Variants in CNOT1 observed in about 807,000 individuals in gnomAD.
The protein encoded by CNOT1 is CCR4-associated factor 1.
Under a neutral mutation model 273.8 loss-of-function variants are expected in CNOT1, and 15 were observed. The observed-to-expected ratio is 0.05, with a 90% CI of 0.04 to 0.08. The LOEUF is 0.08. CNOT1 is among the 10% of genes least tolerant of loss of function. CNOT1 has a pLI of 1.00. For synonymous variants in CNOT1, 1,022 were observed against 1,005.5 expected (o/e 1.02, Z -0.31); for missense variants, 1,644 against 2,912.2 (o/e 0.56, Z 10.02).
chr16:58,528,040 G>T (rs193043590), intron 44 of CNOT1: 5 of 407,734 alleles, frequency 1.2e-5, no homozygotes, highest in Non-Finnish European at 2.4e-5. Context: ...TTGAACCAGC[G>T]AAGGGGAGGT....
intron 16 of CNOT1, among the ~76,000 whole-genome samples, chr16:58,561,842 T>G (rs555647156): frequency 9.9e-5 from 15 of 152,198 alleles, no homozygotes; most frequent in Non-Finnish European, 2.1e-4. Context: ...ATACTCAATC[T>G]GTATTGCCTC....
intron 16 of CNOT1, among the ~76,000 whole-genome samples, chr16:58,562,983 C>T (rs2040913710): frequency 1.3e-5 from 2 of 152,122 alleles, no homozygotes; most frequent in South Asian, 4.1e-4. Flanking sequence ...AGGGTGCTAA[C>T]AGTACTGAAT....
chr16:58,580,894 C>T, intron 11 of CNOT1, 134 bp from the exon 12 acceptor site: 1 of 914,978 alleles, frequency 1.1e-6, no homozygotes, highest in East Asian at 2.8e-5. Context: ...TAATTATTTG[C>T]CCTTTGAAAA....
At chr16:58,594,758 T>C (rs1249145601) in intron 2 of CNOT1, among the ~76,000 whole-genome samples, 2 of 149,744 alleles carry the variant, frequency 1.3e-5, no homozygotes, top group South Asian at 2.1e-4. Flanking sequence ...GCTGAGATTA[T>C]GCCACTGCAC....
chr16:58,554,205 T>C (rs543555606), intron 21 of CNOT1, among the ~76,000 whole-genome samples: 1 of 147,426 alleles, frequency 6.8e-6, no homozygotes, highest in African/African-American at 2.7e-5. Context: ...ACTACACAGC[T>C]GTAAAAAAAA....
intron 16 of CNOT1, among the ~76,000 whole-genome samples, chr16:58,569,272 T>G (rs9923491): frequency 0.75 from 114,315 of 151,964 alleles, 43,408 homozygotes; most frequent in Middle Eastern, 0.86. Flanking sequence ...ATAGTCGCCC[T>G]TCACTATGCC....
intron 1 of CNOT1, among the ~76,000 whole-genome samples, chr16:58,605,588 A>G (rs1309694145): frequency 1.3e-5 from 2 of 152,218 alleles, no homozygotes; most frequent in East Asian, 1.9e-4. Flanking sequence ...TGGTATTTCA[A>G]CATGGGAAAC....
At chr16:58,555,171 GCACTC>G in intron 21 of CNOT1, 75 bp downstream of exon 21, 1 of 1,550,376 alleles carries the variant, frequency 6.5e-7, no homozygotes. Context: ...TTGCGCCACT[GCACTC>G]CAGCCTGGAT....
chr16:58,617,333 C>G (rs2152042394), intron 1 of CNOT1, among the ~76,000 whole-genome samples: 1 of 151,956 alleles, frequency 6.6e-6, no homozygotes, highest in Non-Finnish European at 1.5e-5. Flanking sequence ...TGCACTCCAA[C>G]CCGGGCAACA....
At chr16:58,563,323 T>C (rs1567409368) in intron 16 of CNOT1, among the ~76,000 whole-genome samples, 1 of 152,188 alleles carries the variant, frequency 6.6e-6, no homozygotes, top group Non-Finnish European at 1.5e-5. Flanking sequence ...GTTGGTAGCT[T>C]AGGAGGAATA....
chr16:58,604,154 C>T (rs1235020265), intron 1 of CNOT1, among the ~76,000 whole-genome samples: 1 of 152,158 alleles, frequency 6.6e-6, no homozygotes, highest in African/African-American at 2.4e-5. Flanking sequence ...GTGCATACTA[C>T]ACACAGCTGT....
At chr16:58,524,927 A>C (rs1567384288) in intron 46 of CNOT1, among the ~76,000 whole-genome samples, 1 of 152,206 alleles carries the variant, frequency 6.6e-6, no homozygotes, top group Non-Finnish European at 1.5e-5. Flanking sequence ...CACACTAAAA[A>C]ACTTCAGTCA....
Position 58,546,340 on chromosome 16 carries a change from G to C in CNOT1, c.3987C>G (p.Leu1329=), listed in dbSNP as rs2040257122. The C allele has an allele frequency of 6.2e-7, 1 of 1,613,646 alleles. No homozygotes were observed. Among genetic ancestry groups the C allele is most frequent in the Admixed American group, 1.7e-5 (1 of 59,988 alleles). ...ACTTACTTGTGGTTGTGATGGGAGGGAGTTCTTCTGGCTGCTTGACATCTT... is the reference window on the plus strand; with the variant it reads ...ACTTACTTGTGGTTGTGATGGGAGGCAGTTCTTCTGGCTGCTTGACATCTT... The part of the protein sequence containing the change: ...PKKDVKQPEE[L]PPITTTTTST... The change falls in exon 29 of 49, where the codon CTC becomes CTG. Residue 1329 remains leucine (L), a synonymous_variant. Transcript: ENST00000317147.
chr16:58,532,083 A>AAGAAAAACCTTAGTC lies in CNOT1; in HGVS notation c.6060-23_6060-9dup. 10 of 1,613,978 alleles carry AAGAAAAACCTTAGTC rather than the reference A, an allele frequency of 6.2e-6. No homozygotes were observed. Among genetic ancestry groups the AAGAAAAACCTTAGTC allele is most frequent in the Non-Finnish European group, 8.5e-6 (10 of 1,180,004 alleles). ...AAGATGTGGAATGTATTGCTGAAAG[A>AAGAAAAACCTTAGTC]AGAAAAACCTTAGTCAGAAGCACAG... On this transcript the variant is annotated splice_polypyrimidine_tract_variant and intron_variant, in intron 41 of 48. Transcript: ENST00000317147.
At chr16:58,612,306 A>G (rs867528765) in intron 1 of CNOT1, among the ~76,000 whole-genome samples, 1 of 152,164 alleles carries the variant, frequency 6.6e-6, no homozygotes, top group Non-Finnish European at 1.5e-5. Context: ...AAAATACTAA[A>G]TACTAAATAC....
Position 58,520,192 on chromosome 16 carries a change from C to G in CNOT1, c.*766G>C, listed in dbSNP as rs2039316780. On this transcript the variant is annotated 3_prime_UTR_variant, in exon 49 of 49. Coordinates refer to ENST00000317147, the MANE Select transcript of CNOT1 (RefSeq NM_016284.5). ...AACAATTAATTAATGAGATTTGGTT[C>G]CCTTTCCTATATTCCCACTGTTTTT... The G allele has an allele frequency of 6.6e-6, 1 of 151,978 alleles. No homozygotes were observed. The highest frequency in any genetic ancestry group is 6.6e-5 in the Admixed American group (1 of 15,262). The allele number at this position is 151,978 out of a possible 1,614,324, so 9.4% of individuals were successfully genotyped here. A position where few individuals can be genotyped will look rare whatever the true frequency, so the allele number is the denominator to read the frequency against.
intron 14 of CNOT1, among the ~76,000 whole-genome samples, chr16:58,575,962 A>G (rs777250429): frequency 1.1e-4 from 17 of 152,164 alleles, no homozygotes; most frequent in Admixed American, 9.2e-4. Flanking sequence ...ATGGAAGACC[A>G]ATCAAAAATA....
Position 58,547,222 on chromosome 16 carries a change from A to T in CNOT1, c.3714T>A (p.Phe1238Leu), listed in dbSNP as rs777113868. The change falls in exon 27 of 49, where the codon TTT becomes TTA. Residue 1238 changes from phenylalanine to leucine, a missense_variant. By Grantham distance (22) the Phe-to-Leu change is conservative. Around this residue, in one of 13 missense-constraint regions of CNOT1, gnomAD observed 124 missense variants for 289.3 expected, o/e 0.43. Transcript: ENST00000317147. The surrounding 1 kb of genome is among the most constrained non-coding windows in gnomAD (Gnocchi z 4.0). ...TGCTAGATTCTAAGACTTTGGCAAC[A>T]AAGGGCACTACATAGAGCAATTCTT... ...GQQELLYVVP[F>L]VAKVLESSIR... 1.2e-6 allele frequency: 2 copies of T among 1,613,704 alleles called. No individual in the cohort carries two copies. Among genetic ancestry groups the T allele is most frequent in the Non-Finnish European group, 1.7e-6 (2 of 1,179,774 alleles).
At chr16:58,577,696 G>A (rs754953644) in intron 13 of CNOT1, among the ~76,000 whole-genome samples, 6 of 152,004 alleles carry the variant, frequency 3.9e-5, no homozygotes, top group African/African-American at 1.4e-4. Flanking sequence ...AAAATTAACC[G>A]GGTATGGTGG....
Sources: allele counts gnomAD v4.1 joint callset (sites outside exome capture counted in the v4.1 genomes callset), GRCh38; gene constraint gnomAD v4.1.1; regional missense constraint gnomAD v4.1.1; non-coding constraint Gnocchi (gnomAD v3.1); transcripts MANE v1.5; gene names NCBI Gene and HGNC (gene_info 2026-07-23, HGNC 2026-07-21).